Variants in ADAMTS3 observed in about 807,000 individuals in gnomAD.
The protein encoded by ADAMTS3 is A disintegrin and metalloproteinase with thrombospondin motifs 3.
In ADAMTS3, 73 loss-of-function variants were observed where a neutral mutation model predicts 129.0. The observed-to-expected ratio is 0.57, with a 90% CI of 0.47 to 0.69. The LOEUF (loss-of-function observed/expected upper bound fraction) is 0.69. Among genes scored for constraint, ADAMTS3 ranks in the 30% least tolerant of loss-of-function variants. ADAMTS3 has a pLI of 0.00. For missense variants in ADAMTS3, 1,457 were observed against 1,514.5 expected (o/e 0.96, Z 0.63); for synonymous variants, 477 against 510.8 (o/e 0.93, Z 0.89).
At chr4:72,506,204 C>T (rs946563916) in intron 3 of ADAMTS3, among the ~76,000 whole-genome samples, 2 of 152,152 alleles carry the variant, frequency 1.3e-5, no homozygotes, top group African/African-American at 4.8e-5. Context: ...GTGGCTTAGG[C>T]TGCTGATCAA....
intron 3 of ADAMTS3, among the ~76,000 whole-genome samples, chr4:72,467,381 T>G (rs555434237): frequency 2.0e-5 from 3 of 152,074 alleles, no homozygotes; most frequent in African/African-American, 4.8e-5. Flanking sequence ...CTAAGTCTTA[T>G]TTCAGTGATC....
chr4:72,311,090 A>T lies in ADAMTS3; in HGVS notation c.2013T>A (p.Ser671=). 6.2e-7 allele frequency: 1 copy of T among 1,611,994 alleles called. No homozygotes were observed. The highest frequency in any genetic ancestry group is 8.5e-7 in the Non-Finnish European group (1 of 1,178,582). ...CACATATGCTATATGGATCTTTGTA[A>T]GAACAGTGCGTTCCATCATGCACCA... ...KQLVHDGTHC[S]YKDPYSICVR... is the part of the protein sequence containing the mutation. The change falls in exon 14 of 22, where the codon TCT becomes TCA. Residue 671 remains serine, a synonymous_variant. Coordinates refer to ENST00000286657, the MANE Select transcript of ADAMTS3 (RefSeq NM_014243.3).
At chr4:72,541,037 C>G (rs2109778043) in intron 3 of ADAMTS3, among the ~76,000 whole-genome samples, 1 of 152,272 alleles carries the variant, frequency 6.6e-6, no homozygotes, top group South Asian at 2.1e-4. Flanking sequence ...ATATATCCAC[C>G]AACAGCTTGC....
intron 4 of ADAMTS3, among the ~76,000 whole-genome samples, chr4:72,351,782 A>C (rs1241110919): frequency 6.6e-6 from 1 of 151,998 alleles, no homozygotes; most frequent in East Asian, 1.9e-4. Context: ...AAAGAACATG[A>C]TTTTTGAAAT....
Position 72,295,702 on chromosome 4 carries a change from G to C in ADAMTS3, c.2675C>G (p.Pro892Arg). The change falls in exon 19 of 22, where the codon CCG becomes CGG. Residue 892 changes from proline (P) to arginine (R), a missense_variant. Pro to Arg is a moderately radical substitution (Grantham distance 103, BLOSUM62 -2). Transcript: ENST00000286657. ...HRSFCEANKK[P>R]KPIRRMCNIQ... The stretch of plus-strand genomic sequence containing the variant: ...ATTGCACATTCGTCTAATAGGTTTC[G>C]GCTTTTTGTTGGCCTCACAGAAGCT... 3 of 1,612,818 alleles carry C rather than the reference G, an allele frequency of 1.9e-6. No homozygotes were observed. The highest frequency in any genetic ancestry group is 2.5e-6 in the Non-Finnish European group (3 of 1,179,096).
At chr4:72,318,227 A>G (rs1043219577) in intron 10 of ADAMTS3, among the ~76,000 whole-genome samples, 2 of 152,116 alleles carry the variant, frequency 1.3e-5, no homozygotes, top group African/African-American at 4.8e-5. Context: ...GGTCACAAAA[A>G]GCAGGGGATG....
chr4:72,522,797 CA>C (rs1250140509), intron 3 of ADAMTS3, among the ~76,000 whole-genome samples: 1 of 151,998 alleles, frequency 6.6e-6, no homozygotes, highest in East Asian at 1.9e-4. Flanking sequence ...AAACATTTTT[CA>C]AAGGTTATAA....
chr4:72,391,723 C>T (rs1163621528), intron 4 of ADAMTS3, among the ~76,000 whole-genome samples: 1 of 151,726 alleles, frequency 6.6e-6, no homozygotes, highest in East Asian at 1.9e-4. Context: ...ACTAGAAAAC[C>T]AGGGAAGTGT....
intron 3 of ADAMTS3, among the ~76,000 whole-genome samples, chr4:72,501,984 C>G (rs1032647149): frequency 6.6e-6 from 1 of 152,066 alleles, no homozygotes; most frequent in Non-Finnish European, 1.5e-5. Context: ...GGTGCATTCA[C>G]TTTTTGATGT....
intron 4 of ADAMTS3, among the ~76,000 whole-genome samples, chr4:72,414,178 A>G (rs982741592): frequency 6.6e-6 from 1 of 151,868 alleles, no homozygotes; most frequent in African/African-American, 2.4e-5. Flanking sequence ...AGGAAATTTT[A>G]TATCCAATGT....
At chr4:72,400,159 A>G (rs1161144482) in intron 4 of ADAMTS3, among the ~76,000 whole-genome samples, 1 of 141,830 alleles carries the variant, frequency 7.1e-6, no homozygotes, top group Non-Finnish European at 1.6e-5. Context: ...GTGTATATAT[A>G]TGTGTGTATA....
intron 4 of ADAMTS3, among the ~76,000 whole-genome samples, chr4:72,375,741 C>T (rs1307862896): frequency 1.3e-5 from 2 of 152,098 alleles, no homozygotes; most frequent in African/African-American, 2.4e-5. Flanking sequence ...AGGGGGAGAA[C>T]TCTGAAATGT....
intron 3 of ADAMTS3, among the ~76,000 whole-genome samples, chr4:72,498,827 G>A (rs1327216869): frequency 2.6e-5 from 4 of 152,028 alleles, no homozygotes; most frequent in Non-Finnish European, 5.9e-5. Flanking sequence ...TGGTAAAAGA[G>A]TGGTTCAGAA....
chr4:72,410,537 C>T (rs1722160795), intron 4 of ADAMTS3, among the ~76,000 whole-genome samples: 1 of 152,048 alleles, frequency 6.6e-6, no homozygotes, highest in Non-Finnish European at 1.5e-5. Flanking sequence ...AGCCTAGGGC[C>T]TAGGGATTAA....
chr4:72,515,961 T>C (rs1361317595), intron 3 of ADAMTS3, among the ~76,000 whole-genome samples: 1 of 152,248 alleles, frequency 6.6e-6, no homozygotes, highest in Non-Finnish European at 1.5e-5. Flanking sequence ...AGGGTTTTTA[T>C]GGTTTTAGGT....
At chr4:72,368,179 C>T (rs1261053774) in intron 4 of ADAMTS3, among the ~76,000 whole-genome samples, 7 of 152,090 alleles carry the variant, frequency 4.6e-5, no homozygotes, top group African/African-American at 1.7e-4. Context: ...TTTATGCCTT[C>T]GCTTAAGCTT....
chr4:72,394,068 A>G (rs548267951), intron 4 of ADAMTS3, among the ~76,000 whole-genome samples: 6 of 152,292 alleles, frequency 3.9e-5, no homozygotes, highest in African/African-American at 1.4e-4. Context: ...TTCAAGCACT[A>G]TAAAGGTCTC....
chr4:72,483,539 T>C (rs1021777025), intron 3 of ADAMTS3, among the ~76,000 whole-genome samples: 2 of 152,180 alleles, frequency 1.3e-5, no homozygotes, highest in Non-Finnish European at 2.9e-5. Flanking sequence ...CATTCTTCAT[T>C]TGTCCCCAAG....
chr4:72,556,343 T>C (rs966688735), intron 2 of ADAMTS3, among the ~76,000 whole-genome samples: 1 of 151,826 alleles, frequency 6.6e-6, no homozygotes, highest in Non-Finnish European at 1.5e-5. Context: ...CTTCTAAGTA[T>C]GTAGCAGAAT....
Sources: gnomAD v4.1 joint callset for allele counts (sites outside exome capture counted in the v4.1 genomes callset) on GRCh38, gnomAD v4.1.1 for gene constraint, MANE v1.5 for transcripts, NCBI Gene and HGNC (gene_info 2026-07-23, HGNC 2026-07-21) for gene names.